The following TRPC4 variants were observed in gnomAD, a reference collection of about 807,000 sequenced individuals.
TRPC4 encodes the protein short transient receptor potential channel 4.
A neutral mutation model predicts 99.4 loss-of-function variants in TRPC4; 49 were observed. The observed-to-expected ratio is 0.49, with a 90% CI of 0.39 to 0.63. The LOEUF is 0.63. Ranked by LOEUF, TRPC4 falls within the 20% of genes least tolerant of loss-of-function variation. The probability of loss-of-function intolerance (pLI) is 0.00; values close to 1 mark genes in which losing one functional copy is unlikely to be tolerated. For synonymous variants in TRPC4, 454 were observed against 425.9 expected (o/e 1.07, Z -0.81); for missense variants, 898 against 1,152.9 (o/e 0.78, Z 3.20).
chr13:37,643,968 A>T (rs1373021702), intron 8 of TRPC4, among the ~76,000 whole-genome samples: 1 of 152,136 alleles, frequency 6.6e-6, no homozygotes, highest in Non-Finnish European at 1.5e-5. Flanking sequence ...CTATTCTAGT[A>T]TAATCTCGCC....
At chr13:37,780,473 G>C (rs1265713724) in intron 2 of TRPC4, among the ~76,000 whole-genome samples, 2 of 152,032 alleles carry the variant, frequency 1.3e-5, no homozygotes, top group African/African-American at 2.4e-5. Flanking sequence ...CCATGAGTAT[G>C]AAAATTAGGT....
At chr13:37,726,474 A>G (rs1955061728) in intron 3 of TRPC4, among the ~76,000 whole-genome samples, 1 of 152,166 alleles carries the variant, frequency 6.6e-6, no homozygotes, top group Admixed American at 6.6e-5. Flanking sequence ...GTAACCACAA[A>G]GAAAATAGCT....
intron 4 of TRPC4, 76 bp downstream of exon 4, chr13:37,691,923 A>T: frequency 7.3e-7 from 1 of 1,368,516 alleles, no homozygotes; most frequent in Non-Finnish European, 1.0e-6. Flanking sequence ...CCCAAACATT[A>T]ATGAATATTT....
chr13:37,770,412 T>C (rs1206164489), intron 2 of TRPC4, among the ~76,000 whole-genome samples: 1 of 151,584 alleles, frequency 6.6e-6, no homozygotes, highest in Non-Finnish European at 1.5e-5. Context: ...ATTCTGCTTT[T>C]TGATTGAGAG....
chr13:37,646,405 A>G (rs1951861891), intron 8 of TRPC4, among the ~76,000 whole-genome samples: 1 of 152,184 alleles, frequency 6.6e-6, no homozygotes, highest in Admixed American at 6.5e-5. Flanking sequence ...TAAACATTTC[A>G]TTTAGAAACC....
Position 37,637,452 on chromosome 13 carries a change from G to A in TRPC4, c.2385C>T (p.Ser795=), listed in dbSNP as rs770835594. 9 of 1,613,616 alleles carry A rather than the reference G, an allele frequency of 5.6e-6. No individual in the cohort carries two copies. In the Admixed American group the frequency reaches 1.5e-4, roughly 27 times the overall value. ...GAATCAGGGTGGTTAAATCAAAAAG[G>A]CTGAAATTCTTTTTCTTGTCCTTGC... ...GNSKDKKKNF[S]LFDLTTLIHP... The change falls in exon 11 of 11, where the codon AGC becomes AGT. Residue 795 remains serine, a synonymous_variant. Coordinates refer to ENST00000379705, the MANE Select transcript of TRPC4 (RefSeq NM_016179.4).
chr13:37,810,279 A>G (rs1318238739), intron 1 of TRPC4, among the ~76,000 whole-genome samples: 1 of 152,034 alleles, frequency 6.6e-6, no homozygotes, highest in Non-Finnish European at 1.5e-5. Context: ...TATTATTCCC[A>G]TTACACAGCC....
At chr13:37,655,580 A>G (rs1326936220) in intron 6 of TRPC4, among the ~76,000 whole-genome samples, 2 of 152,042 alleles carry the variant, frequency 1.3e-5, no homozygotes, top group Non-Finnish European at 2.9e-5. Flanking sequence ...TACTGAGTTA[A>G]GAATGGTTTT....
intron 2 of TRPC4, among the ~76,000 whole-genome samples, chr13:37,753,425 A>T (rs1479074946): frequency 6.6e-6 from 1 of 152,076 alleles, no homozygotes; most frequent in African/African-American, 2.4e-5. Context: ...TGAAGAATAC[A>T]TTAAAATTGA....
Position 37,746,455 on chromosome 13 carries a change from C to T in TRPC4, c.379G>A (p.Val127Met), listed in dbSNP as rs1466878332. The stretch of plus-strand genomic sequence containing the variant: ...TGCTTATCAAGGAGTATAGGAGGCA[C>T]CTAAAAAAAAAAAAGGCAGAGGTGA... ...NHKKPSGEKQVPPILLDKQFS... is the reference protein window; with the variant it reads ...NHKKPSGEKQMPPILLDKQFS... The change falls in exon 3 of 11, where the codon GTG (valine) becomes ATG (methionine). Residue 127 changes from valine to methionine, a missense_variant and splice_region_variant. Coordinates refer to ENST00000379705, the MANE Select transcript of TRPC4 (RefSeq NM_016179.4). The T allele has an allele frequency of 1.6e-5, 23 of 1,413,712 alleles. No homozygotes were observed. Among genetic ancestry groups the T allele is most frequent in the Admixed American group, 2.9e-5 (1 of 34,670 alleles). The allele number at this position is 1,413,712 out of a possible 1,614,324, so 87.6% of individuals were successfully genotyped here.
intron 2 of TRPC4, among the ~76,000 whole-genome samples, chr13:37,757,936 T>C (rs894810252): frequency 1.4e-4 from 21 of 151,936 alleles, no homozygotes; most frequent in African/African-American, 4.8e-4. Flanking sequence ...GGTTGGAAAT[T>C]TTCTAAAAAA....
intron 3 of TRPC4, among the ~76,000 whole-genome samples, chr13:37,732,661 C>T (rs1209953924): frequency 6.6e-6 from 1 of 152,080 alleles, no homozygotes; most frequent in Non-Finnish European, 1.5e-5. Flanking sequence ...AGTAGCGCTT[C>T]TACATGCTGA....
intron 3 of TRPC4, among the ~76,000 whole-genome samples, chr13:37,705,789 C>T (rs1026330682): frequency 4.6e-5 from 7 of 152,094 alleles, no homozygotes; most frequent in African/African-American, 7.2e-5. Flanking sequence ...AGCTCCTGTA[C>T]GACACTTTCT....
At chr13:37,728,192 G>C (rs1955125049) in intron 3 of TRPC4, among the ~76,000 whole-genome samples, 1 of 141,422 alleles carries the variant, frequency 7.1e-6, no homozygotes, top group African/African-American at 2.5e-5. Context: ...TCTAGACAGA[G>C]CAATTATGTG....
chr13:37,714,694 A>G (rs1372711561), intron 3 of TRPC4, among the ~76,000 whole-genome samples: 1 of 152,044 alleles, frequency 6.6e-6, no homozygotes, highest in East Asian at 1.9e-4. Context: ...TCAAAGTATC[A>G]CCCCACATGA....
chr13:37,700,970 G>T (rs990572424), intron 3 of TRPC4, among the ~76,000 whole-genome samples: 8 of 152,098 alleles, frequency 5.3e-5, no homozygotes, highest in African/African-American at 1.9e-4. Flanking sequence ...GTTTTTTAAT[G>T]ATCTGTTAAT....
At chr13:37,723,792 T>C (rs1050673203) in intron 3 of TRPC4, among the ~76,000 whole-genome samples, 2 of 152,144 alleles carry the variant, frequency 1.3e-5, no homozygotes, top group Non-Finnish European at 2.9e-5. Flanking sequence ...TAAACTCAAG[T>C]GATCCTCCTG....
chr13:37,746,115 T>C lies in TRPC4; in HGVS notation c.719A>G (p.Glu240Gly), dbSNP rs775296494. The stretch of plus-strand genomic sequence containing the variant: ...GCACTGCCGTGACAGCTCTTCATAC[T>C]CCGACTTGAATTCATTTTCCACCTT... ...LSKVENEFKS[E>G]YEELSRQCKQ... The change falls in exon 3 of 11, where the codon GAG becomes GGG. Residue 240 changes from glutamate (E) to glycine (G), a missense_variant. Transcript: ENST00000379705. 7 of 1,613,898 alleles carry C rather than the reference T, an allele frequency of 4.3e-6. No individual in the cohort carries two copies. Among genetic ancestry groups the C allele is most frequent in the Non-Finnish European group, 5.9e-6 (7 of 1,179,890 alleles).
chr13:37,828,437 A>G (rs1400028904), intron 1 of TRPC4, among the ~76,000 whole-genome samples: 1 of 152,234 alleles, frequency 6.6e-6, no homozygotes, highest in Admixed American at 6.5e-5. Flanking sequence ...GATTTTTCAA[A>G]GAACTTAAAA....
Sources: gnomAD v4.1 joint callset for allele counts (sites outside exome capture counted in the v4.1 genomes callset) on GRCh38, gnomAD v4.1.1 for gene constraint, MANE v1.5 for transcripts, NCBI Gene and HGNC (gene_info 2026-07-23, HGNC 2026-07-21) for gene names.